MAP1LC3B: variants seen among roughly 807,000 people sequenced by gnomAD.
MAP1LC3B encodes microtubule associated protein 1 light chain 3 beta.
A neutral mutation model predicts 16.7 loss-of-function variants in MAP1LC3B; 12 were observed. The ratio of observed to expected loss-of-function variants is 0.72; its 90% CI spans 0.46 to 1.16. The LOEUF is 1.16. Ranked by LOEUF, MAP1LC3B falls within the 50% of genes most tolerant of loss-of-function variation. The pLI, the probability that MAP1LC3B is intolerant of heterozygous loss-of-function variation, is 0.00. For synonymous variants in MAP1LC3B, 63 were observed against 56.5 expected, an observed-to-expected ratio of 1.11 and a Z score of -0.51; for missense variants, 155 against 159.5, an observed-to-expected ratio of 0.97 and a Z score of 0.15.
chr16:87,398,002 A>T (rs1256319541), intron 1 of MAP1LC3B, among the ~76,000 whole-genome samples: 1 of 151,186 alleles, frequency 6.6e-6, no homozygotes, highest in Admixed American at 6.6e-5. Context: ...TCAATAAGTG[A>T]TTCTATTAAA....
Position 87,392,481 on chromosome 16 carries a change from C to T in MAP1LC3B, c.40+14C>T. On this transcript the variant is annotated intron_variant, in intron 1 of 3. Transcript: ENST00000268607. ...GCCGCACCTTCGGTGAGTGTCGCCG[C>T]GAGGGCGGCGGGTGCGGCGGGGCCG... 1 of 1,307,976 alleles carries T rather than the reference C, an allele frequency of 7.6e-7. No homozygotes were observed. The highest frequency in any genetic ancestry group is 3.2e-5 in the East Asian group (1 of 31,574). The allele number at this position is 1,307,976 out of a possible 1,614,324, so 81.0% of individuals were successfully genotyped here.
At chr16:87,394,065 C>A (rs1180010295) in intron 1 of MAP1LC3B, among the ~76,000 whole-genome samples, 8 of 152,136 alleles carry the variant, frequency 5.3e-5, no homozygotes, top group Non-Finnish European at 2.9e-5. Flanking sequence ...TTTCCTGGAA[C>A]CTAAAAGTGG....
At chr16:87,396,536 A>G (rs1907813289) in intron 1 of MAP1LC3B, among the ~76,000 whole-genome samples, 2 of 152,096 alleles carry the variant, frequency 1.3e-5, no homozygotes, top group Non-Finnish European at 1.5e-5. Context: ...ATTTATTAGG[A>G]TAAGCTTTTA....
chr16:87,400,784 A>G (rs1907964267), intron 2 of MAP1LC3B, among the ~76,000 whole-genome samples: 1 of 150,862 alleles, frequency 6.6e-6, no homozygotes, highest in Non-Finnish European at 1.5e-5. Flanking sequence ...CTCCTTATGC[A>G]CCAGAACAAC....
rs779205778 is a variant in MAP1LC3B at position 87,402,908 on chromosome 16, G to A, written c.204-15G>A. 8.1e-6 allele frequency: 13 copies of A among 1,613,626 alleles called. No individual in the cohort carries two copies. Among genetic ancestry groups the A allele is most frequent in the Non-Finnish European group, 1.1e-5 (13 of 1,179,738 alleles). On this transcript the variant is annotated splice_polypyrimidine_tract_variant and intron_variant, in intron 3 of 3. Transcript: ENST00000268607. The stretch of plus-strand genomic sequence containing the variant: ...ATTGTTGTCAATATTTCTTCACGTT[G>A]TTTTCTTTCAATAGAAGGCGCTTAC...
chr16:87,396,019 C>G (rs1342143477), intron 1 of MAP1LC3B, among the ~76,000 whole-genome samples: 1 of 151,430 alleles, frequency 6.6e-6, no homozygotes, highest in Non-Finnish European at 1.5e-5. Context: ...CGCCATCACG[C>G]CCAGCTAATT....
chr16:87,402,892 A>G, intron 3 of MAP1LC3B, 31 bp from the exon 4 acceptor site: 4 of 1,613,004 alleles, frequency 2.5e-6, no homozygotes, highest in Non-Finnish European at 2.5e-6. Context: ...TATTGTTGTC[A>G]ATATTTCTTC....
Position 87,392,422 on chromosome 16 carries a change from T to C in MAP1LC3B, c.-6T>C, listed in dbSNP as rs8043569. The C allele has an allele frequency of 1, 1,425,504 of 1,428,624 alleles. 711,268 individuals are homozygous for C. Among genetic ancestry groups the C allele is most frequent in the East Asian group, 1 (32,924 of 32,924 alleles). 88.5% of individuals were successfully genotyped at this position (1,428,624 alleles called of 1,614,324 possible). ...TCGCCGCCGCCGCCGCCCAGATCCCTGCACCATGCCGTCGGAGAAGACCTT... is the reference window on the plus strand; with the variant it reads ...TCGCCGCCGCCGCCGCCCAGATCCCCGCACCATGCCGTCGGAGAAGACCTT... On this transcript the variant is annotated 5_prime_UTR_variant, in exon 1 of 4. Transcript: ENST00000268607.
intron 1 of MAP1LC3B, among the ~76,000 whole-genome samples, chr16:87,398,512 C>T (rs1907881228): frequency 6.6e-6 from 1 of 152,182 alleles, no homozygotes; most frequent in Admixed American, 6.5e-5. Context: ...TGCAGTGGGT[C>T]TGCCTTGTAT....
intron 1 of MAP1LC3B, among the ~76,000 whole-genome samples, chr16:87,393,991 A>G (rs1254799294): frequency 6.6e-6 from 1 of 152,208 alleles, no homozygotes; most frequent in East Asian, 1.9e-4. Flanking sequence ...TATTCTGGAA[A>G]AGTCTCTGCG....
intron 1 of MAP1LC3B, among the ~76,000 whole-genome samples, chr16:87,395,694 A>C (rs1907773646): frequency 6.6e-6 from 1 of 152,156 alleles, no homozygotes; most frequent in African/African-American, 2.4e-5. Context: ...TTACAGCTTA[A>C]GGAAGTAACT....
At chr16:87,397,974 G>C (rs968811637) in intron 1 of MAP1LC3B, among the ~76,000 whole-genome samples, 7 of 151,100 alleles carry the variant, frequency 4.6e-5, no homozygotes, top group African/African-American at 1.2e-4. Context: ...CCACAGTCTA[G>C]TACAGTTGTT....
rs535628901 is a variant in MAP1LC3B at position 87,403,345 on chromosome 16, A to G, written c.*248A>G. ...GCTTGTTTTCAAATTTTAAAAGTTTAAAAATAAAATACTTTGCATTCTAAG... is the reference window on the plus strand; with the variant it reads ...GCTTGTTTTCAAATTTTAAAAGTTTGAAAATAAAATACTTTGCATTCTAAG... On this transcript the variant is annotated 3_prime_UTR_variant, in exon 4 of 4. Transcript: ENST00000268607. 134 of 342,366 alleles carry G rather than the reference A, an allele frequency of 3.9e-4. No homozygotes were observed. Among genetic ancestry groups the G allele is most frequent in the African/African-American group, 2.5e-3 (118 of 47,092 alleles). The allele number at this position is 342,366 out of a possible 1,614,324, so 21.2% of individuals were successfully genotyped here.
rs761924431 is a variant in MAP1LC3B, at chr16:87,402,246, C to T, written c.168C>T (p.Asp56=). Residue 56 remains aspartate (D), a synonymous_variant, in exon 3 of 4, where the codon GAC becomes GAT. Transcript: ENST00000268607. ...ATAAAACAAAGTTCCTTGTACCTGA[C>T]CATGTCAACATGAGTGAGCTCATCA... ...VLDKTKFLVP[D]HVNMSELIKI... 5 of 1,614,114 alleles carry T rather than the reference C, an allele frequency of 3.1e-6. No individual in the cohort carries two copies. The African/African-American group carries it at 4.0e-5, about 13-fold the overall frequency.
At chr16:87,396,778 C>T (rs956813636) in intron 1 of MAP1LC3B, 2 of 152,128 alleles carry the variant, frequency 1.3e-5, no homozygotes, top group African/African-American at 4.8e-5. Flanking sequence ...GGATAAGAGC[C>T]ACTAGGTTAA....
chr16:87,399,325 T>A, intron 2 of MAP1LC3B: 1 of 263,448 alleles, frequency 3.8e-6, no homozygotes, highest in Non-Finnish European at 7.6e-6. Context: ...TGCCAAGATT[T>A]CTGTACTGCC....
intron 3 of MAP1LC3B, 68 bp from the exon 4 acceptor site, chr16:87,402,855 A>T: frequency 1.3e-6 from 2 of 1,583,078 alleles, no homozygotes; most frequent in African/African-American, 1.3e-5. Flanking sequence ...AGTGGGTGAT[A>T]TTTTAACACA....
chr16:87,396,348 G>T (rs1003661480), intron 1 of MAP1LC3B, among the ~76,000 whole-genome samples: 5 of 151,706 alleles, frequency 3.3e-5, no homozygotes, highest in Non-Finnish European at 7.4e-5. Flanking sequence ...GGTGGCGGGC[G>T]CCTGTAGTCC....
At chr16:87,393,016 A>G (rs1907657080) in intron 1 of MAP1LC3B, 1 of 152,082 alleles carries the variant, frequency 6.6e-6, no homozygotes, top group Non-Finnish European at 1.5e-5. Context: ...GCCTCGGTCG[A>G]GAGGAGGGGA....
Sources: allele counts gnomAD v4.1 joint callset (sites outside exome capture counted in the v4.1 genomes callset), GRCh38; gene constraint gnomAD v4.1.1; transcripts MANE v1.5; gene names NCBI Gene and HGNC (gene_info 2026-07-23, HGNC 2026-07-21).